The following CDH22 variants were observed in gnomAD, a reference collection of about 807,000 sequenced individuals.
The protein encoded by CDH22 is cadherin-22.
Under a neutral mutation model 58.4 loss-of-function variants are expected in CDH22, and 30 were observed. The ratio of observed to expected loss-of-function variants is 0.51; its 90% confidence interval spans 0.38 to 0.70. The LOEUF (loss-of-function observed/expected upper bound fraction) is 0.70. Among genes scored for constraint, CDH22 ranks in the 30% least tolerant of loss-of-function variants. CDH22 has a pLI of 0.00. For missense variants in CDH22, 1,014 were observed against 1,233.9 expected (o/e 0.82, Z 2.67); for synonymous variants, 513 against 558.2 (o/e 0.92, Z 1.14).
chr20:46,236,285 C>A (rs1391987083), intron 3 of CDH22, among the ~76,000 whole-genome samples: 1 of 151,702 alleles, frequency 6.6e-6, no homozygotes, highest in African/African-American at 2.4e-5. Context: ...AATGTGGATG[C>A]ACCAAAGAGT....
Position 46,275,682 on chromosome 20 carries a change from C to T in CDH22, c.-399-23989G>A, listed in dbSNP as rs79034425. ...TTGAATTAATAAGTGATTCAACAAACGTTGTCTGAACACCCTCTCTGTGCC... is the reference window on the plus strand; with the variant it reads ...TTGAATTAATAAGTGATTCAACAAATGTTGTCTGAACACCCTCTCTGTGCC... On this transcript the variant is annotated intron_variant, in intron 1 of 11. Coordinates refer to ENST00000537909, the MANE Select transcript of CDH22 (RefSeq NM_021248.3). 9.3e-3 allele frequency among the ~76,000 whole-genome samples: 1,408 copies of T among 151,980 alleles called. 17 individuals carry two copies. The highest frequency in any genetic ancestry group is 0.032 in the African/African-American group (1,328 of 41,412).
At chr20:46,226,942 GGGTGGGCGTGCTGCACCATCGTTT>G (rs2086179578) in intron 4 of CDH22, among the ~76,000 whole-genome samples, 1 of 152,308 alleles carries the variant, frequency 6.6e-6, no homozygotes, top group Admixed American at 6.5e-5. Context: ...TGGGGACAGC[GGGTGGGCGTGCTGCACCATCGTTT>G]GGTGGTGTTG....
At chr20:46,247,617 T>C (rs1033570026) in intron 2 of CDH22, among the ~76,000 whole-genome samples, 2 of 152,176 alleles carry the variant, frequency 1.3e-5, no homozygotes, top group African/African-American at 2.4e-5. Context: ...TGGGTTTTGG[T>C]ATCCATGGGA....
At chr20:46,175,682 C>T (rs368126155) in intron 11 of CDH22, among the ~76,000 whole-genome samples, 3 of 152,216 alleles carry the variant, frequency 2.0e-5, no homozygotes, top group East Asian at 1.9e-4. Flanking sequence ...TCTCAAAGTG[C>T]GGCCCCTGGG....
In CDH22 at chr20:46,216,113, C is replaced by T. The variant is rs903802092; in HGVS notation, c.838+713G>A. On this transcript the variant is annotated intron_variant, in intron 5 of 11. Coordinates refer to ENST00000537909, the MANE Select transcript of CDH22 (RefSeq NM_021248.3). This position sits in a 1 kb window ranked among gnomAD's most constrained non-coding sequence, Gnocchi z 5.3. ...TCACCCGATAGGAATCAGCCCAGCT[C>T]CTGCGGCATTTAGTCCCTGCCAGCT... Among the ~76,000 whole-genome samples, 1 of 152,132 alleles carries T rather than the reference C, an allele frequency of 6.6e-6. No homozygotes were observed.
chr20:46,198,146 G>A (rs1001490490), intron 8 of CDH22, among the ~76,000 whole-genome samples: 1 of 152,038 alleles, frequency 6.6e-6, no homozygotes, highest in Admixed American at 6.6e-5. Context: ...TGGGCATGGA[G>A]GAAGCCCAAG....
intron 4 of CDH22, among the ~76,000 whole-genome samples, chr20:46,219,479 A>C (rs1345975932): frequency 1.3e-5 from 2 of 152,142 alleles, no homozygotes; most frequent in Non-Finnish European, 1.5e-5. Flanking sequence ...GGGCAGGATA[A>C]TTCTCTGTAG....
chr20:46,288,455 A>G (rs1330778703), intron 1 of CDH22, among the ~76,000 whole-genome samples: 3 of 152,078 alleles, frequency 2.0e-5, no homozygotes, highest in Non-Finnish European at 2.9e-5. Flanking sequence ...TTGAAACCCC[A>G]TGGATTTGCT....
chr20:46,240,195 C>A (rs867767376), intron 3 of CDH22, among the ~76,000 whole-genome samples: 2 of 151,974 alleles, frequency 1.3e-5, no homozygotes, highest in Non-Finnish European at 2.9e-5. Flanking sequence ...TGCCTGTCTG[C>A]GGCTGCACAC....
intron 7 of CDH22, among the ~76,000 whole-genome samples, chr20:46,209,340 C>CA: frequency 6.6e-6 from 1 of 152,228 alleles, no homozygotes; most frequent in Non-Finnish European, 1.5e-5. Context: ...GTGAGGGGGC[C>CA]AGTGTGGTTG....
chr20:46,251,065 C>G lies in CDH22; in HGVS notation c.230G>C (p.Gly77Ala). The change falls in exon 2 of 12, where the codon GGC becomes GCC. Residue 77 changes from glycine to alanine, a missense_variant. By Grantham distance (60) the Gly-to-Ala change is moderately conservative (BLOSUM62 0). Coordinates refer to ENST00000537909, the MANE Select transcript of CDH22 (RefSeq NM_021248.3). This position sits in a 1 kb window ranked among gnomAD's most constrained non-coding sequence, Gnocchi z 6.7. Reference protein sequence around the residue: ...NQFFVVEEYTGTEPLYVGKIH... With the variant: ...NQFFVVEEYTATEPLYVGKIH... ...CTTGCCCACATACAGGGGCTCCGTG[C>G]CCGTGTACTCCTCTACCACGAAGAA... The G allele has an allele frequency of 6.2e-7, 1 of 1,612,342 alleles. No individual in the cohort carries two copies. The highest frequency in any genetic ancestry group is 1.7e-5 in the Admixed American group (1 of 59,958).
intron 1 of CDH22, among the ~76,000 whole-genome samples, chr20:46,271,918 G>T (rs1005528323): frequency 6.6e-6 from 1 of 152,188 alleles, no homozygotes; most frequent in African/African-American, 2.4e-5. Context: ...ACATAGAGCT[G>T]CTCTCTCATG....
intron 2 of CDH22, among the ~76,000 whole-genome samples, chr20:46,247,110 G>C (rs1261023194): frequency 1.3e-5 from 2 of 152,116 alleles, no homozygotes; most frequent in Non-Finnish European, 2.9e-5. Context: ...TTGGGATTTG[G>C]GGCGGGAGTT....
chr20:46,292,849 G>T lies in CDH22; in HGVS notation c.-400+15406C>A, dbSNP rs57247112. ...GCTCCAGGGGGTCTTTCTGATTCCT[G>T]CAGGCAGAGTTAATCACTCCCTCTT... On this transcript the variant is annotated intron_variant, in intron 1 of 11. Transcript: ENST00000537909. Among the ~76,000 whole-genome samples the T allele has an allele frequency of 3.9e-5, 6 of 152,082 alleles. No individual in the cohort carries two copies. In the East Asian group the frequency reaches 1.2e-3, roughly 29 times the overall value.
At chr20:46,187,029 TA>T in intron 8 of CDH22, 82 bp from the exon 9 acceptor site, 1 of 1,408,850 alleles carries the variant, frequency 7.1e-7, no homozygotes, top group Non-Finnish European at 9.5e-7. Flanking sequence ...AGGACAATAG[TA>T]GGCAGTGGGG....
At chr20:46,207,921 G>A (rs1012408429) in intron 7 of CDH22, among the ~76,000 whole-genome samples, 3 of 152,232 alleles carry the variant, frequency 2.0e-5, no homozygotes, top group Non-Finnish European at 4.4e-5. Flanking sequence ...AGTTAAGCAG[G>A]ATAGCATCTG....
At chr20:46,268,884 T>G (rs953843517) in intron 1 of CDH22, among the ~76,000 whole-genome samples, 6 of 152,316 alleles carry the variant, frequency 3.9e-5, no homozygotes, top group African/African-American at 1.2e-4. Flanking sequence ...AGCAGTTGAC[T>G]CTGGGGCTGA....
chr20:46,208,933 G>A (rs942301307), intron 7 of CDH22, among the ~76,000 whole-genome samples: 3 of 152,222 alleles, frequency 2.0e-5, no homozygotes, highest in African/African-American at 7.2e-5. Context: ...TATTCAGCAC[G>A]TGTCCACTGA....
intron 1 of CDH22, among the ~76,000 whole-genome samples, chr20:46,257,224 T>C (rs949995070): frequency 1.3e-5 from 2 of 151,380 alleles, no homozygotes; most frequent in Non-Finnish European, 2.9e-5. Flanking sequence ...TGGAAAAGGA[T>C]CACCTGAGCT....
Sources: allele counts gnomAD v4.1 joint callset (sites outside exome capture counted in the v4.1 genomes callset), GRCh38; gene constraint gnomAD v4.1.1; non-coding constraint Gnocchi (gnomAD v3.1); transcripts MANE v1.5; gene names NCBI Gene and HGNC (gene_info 2026-07-23, HGNC 2026-07-21).